Variants in MARCHF1 observed in about 807,000 individuals in gnomAD.
The protein encoded by MARCHF1 is membrane associated ring-CH-type finger 1.
Under a neutral mutation model 54.2 loss-of-function variants are expected in MARCHF1, and 40 were observed. The observed-to-expected ratio is 0.74, with a 90% CI of 0.57 to 0.96. The LOEUF is 0.96. Among genes scored for constraint, MARCHF1 ranks in the 40% least tolerant of loss-of-function variants. MARCHF1 has a pLI of 0.00. For missense variants in MARCHF1, 586 were observed against 656.5 expected, an observed-to-expected ratio of 0.89 and a Z score of 1.17; for synonymous variants, 236 against 236.3, an observed-to-expected ratio of 1.00 and a Z score of 0.01.
At chr4:163,872,978 A>G (rs1388092763) in intron 3 of MARCHF1, among the ~76,000 whole-genome samples, 1 of 152,032 alleles carries the variant, frequency 6.6e-6, no homozygotes, top group Non-Finnish European at 1.5e-5. Context: ...CTGGAGGCGG[A>G]GCTTGCAGTG....
chr4:164,161,596 G>A (rs1395530461), intron 1 of MARCHF1, among the ~76,000 whole-genome samples: 2 of 152,040 alleles, frequency 1.3e-5, no homozygotes, highest in Non-Finnish European at 2.9e-5. Context: ...AAGTGAAGTT[G>A]GAAACCAAGA....
chr4:163,877,039 T>C (rs1203770372), intron 3 of MARCHF1, among the ~76,000 whole-genome samples: 1 of 150,514 alleles, frequency 6.6e-6, no homozygotes, highest in Admixed American at 6.7e-5. Flanking sequence ...TTTTAGAAAG[T>C]AGAAAGTAGT....
At chr4:163,626,854 G>A (rs552664228) in intron 5 of MARCHF1, among the ~76,000 whole-genome samples, 1 of 152,080 alleles carries the variant, frequency 6.6e-6, no homozygotes, top group Non-Finnish European at 1.5e-5. Context: ...TTGAACCTGG[G>A]AGGTGGAGGT....
intron 1 of MARCHF1, among the ~76,000 whole-genome samples, chr4:164,113,981 G>A (rs994399893): frequency 6.6e-6 from 1 of 151,892 alleles, no homozygotes; most frequent in Admixed American, 6.6e-5. Context: ...TCCAGTAGAG[G>A]GGATAAAGGA....
intron 8 of MARCHF1, among the ~76,000 whole-genome samples, chr4:163,570,728 T>C (rs1218621857): frequency 2.0e-5 from 3 of 152,148 alleles, no homozygotes; most frequent in East Asian, 1.9e-4. Flanking sequence ...ATTTTAAAAA[T>C]GGTAAGAGAT....
At chr4:164,183,438 A>C (rs571260468) in intron 1 of MARCHF1, among the ~76,000 whole-genome samples, 1 of 151,948 alleles carries the variant, frequency 6.6e-6, no homozygotes, top group Admixed American at 6.6e-5. Flanking sequence ...TTTTTCATTT[A>C]CCTTTTGACT....
intron 7 of MARCHF1, among the ~76,000 whole-genome samples, chr4:163,597,058 G>A (rs1740799229): frequency 6.6e-6 from 1 of 152,058 alleles, no homozygotes; most frequent in African/African-American, 2.4e-5. Context: ...TGGGTTCAAA[G>A]GATTCTCCTG....
rs553561839 is a variant in MARCHF1 at position 164,101,120 on chromosome 4, G to A, written c.-248+10468C>T. Among the ~76,000 whole-genome samples the A allele has an allele frequency of 2.0e-4, 31 of 152,294 alleles. No individual in the cohort carries two copies. The South Asian group carries it at 2.7e-3, about 13-fold the overall frequency. On this transcript the variant is annotated intron_variant, in intron 2 of 9. Transcript: ENST00000514618. ...CTGGCTCGGAGGGTCCTACGCCCAC[G>A]GAGTCTTGCTGATTGCTAGCACGGC... is the stretch of plus-strand genomic sequence containing the variant.
intron 1 of MARCHF1, among the ~76,000 whole-genome samples, chr4:164,129,033 C>T (rs1268751011): frequency 6.6e-6 from 1 of 152,158 alleles, no homozygotes; most frequent in Non-Finnish European, 1.5e-5. Context: ...CACCTAATGG[C>T]TTCTGAATCA....
intron 1 of MARCHF1, among the ~76,000 whole-genome samples, chr4:164,314,546 C>A (rs1466091697): frequency 6.6e-6 from 1 of 152,172 alleles, no homozygotes; most frequent in African/African-American, 2.4e-5. Context: ...CTCACGCAGG[C>A]ATACACTTGA....
chr4:163,960,016 A>C (rs1752315424), intron 3 of MARCHF1, among the ~76,000 whole-genome samples: 1 of 152,110 alleles, frequency 6.6e-6, no homozygotes, highest in Admixed American at 6.6e-5. Context: ...GATGCTTTTC[A>C]AAAGATAATA....
At chr4:164,243,945 C>A (rs367719583) in intron 1 of MARCHF1, among the ~76,000 whole-genome samples, 1 of 152,076 alleles carries the variant, frequency 6.6e-6, no homozygotes, top group Non-Finnish European at 1.5e-5. Flanking sequence ...CAGGAGCACC[C>A]AGATTCATAA....
At chr4:164,155,926 T>C (rs1730065558) in intron 1 of MARCHF1, among the ~76,000 whole-genome samples, 1 of 152,192 alleles carries the variant, frequency 6.6e-6, no homozygotes, top group African/African-American at 2.4e-5. Context: ...ATTTTCATCT[T>C]TCAGTTGTGA....
chr4:164,225,157 C>A (rs1481072491), intron 1 of MARCHF1, among the ~76,000 whole-genome samples: 1 of 152,024 alleles, frequency 6.6e-6, no homozygotes, highest in Non-Finnish European at 1.5e-5. Flanking sequence ...CCTTACCCTG[C>A]ACATACCAAA....
At chr4:163,646,607 G>A (rs1281761501) in intron 5 of MARCHF1, among the ~76,000 whole-genome samples, 1 of 152,004 alleles carries the variant, frequency 6.6e-6, no homozygotes, top group African/African-American at 2.4e-5. Context: ...ATAAAAATAT[G>A]TAAATTGTGA....
chr4:163,569,918 T>C (rs752733885), intron 8 of MARCHF1, among the ~76,000 whole-genome samples: 1 of 152,184 alleles, frequency 6.6e-6, no homozygotes, highest in Non-Finnish European at 1.5e-5. Flanking sequence ...CTTTAGAAAG[T>C]AGGCATAAGA....
At chr4:163,659,217 T>C (rs1212682256) in intron 5 of MARCHF1, among the ~76,000 whole-genome samples, 1 of 151,996 alleles carries the variant, frequency 6.6e-6, no homozygotes, top group African/African-American at 2.4e-5. Flanking sequence ...TAAGGATTCA[T>C]GATTTTCATG....
chr4:163,804,215 C>T (rs2110984907), intron 4 of MARCHF1, among the ~76,000 whole-genome samples: 1 of 152,262 alleles, frequency 6.6e-6, no homozygotes, highest in African/African-American at 2.4e-5. Flanking sequence ...AAGCAACCAC[C>T]ATCTAGAGAC....
intron 5 of MARCHF1, among the ~76,000 whole-genome samples, chr4:163,632,126 C>T (rs957935096): frequency 1.3e-5 from 2 of 152,124 alleles, no homozygotes; most frequent in African/African-American, 4.8e-5. Flanking sequence ...AACCCTTGTG[C>T]ACTATTGGTG....
Sources: gnomAD v4.1 joint callset for allele counts (sites outside exome capture counted in the v4.1 genomes callset) on GRCh38, gnomAD v4.1.1 for gene constraint, MANE v1.5 for transcripts, NCBI Gene and HGNC (gene_info 2026-07-23, HGNC 2026-07-21) for gene names.